The following ADGRL4 variants were observed in gnomAD, a reference collection of about 807,000 sequenced individuals.
ADGRL4 encodes EGF, latrophilin and seven transmembrane domain containing 1.
A neutral mutation model predicts 74.8 loss-of-function variants in ADGRL4; 90 were observed. That is an observed-to-expected ratio of 1.20 (90% CI 1.02 to 1.43). The LOEUF (loss-of-function observed/expected upper bound fraction) is 1.43, where lower values mean the gene tolerates loss of function less well. Among genes scored for constraint, ADGRL4 ranks in the 40% most tolerant of loss-of-function variants. The probability of loss-of-function intolerance (pLI) is 0.00; values close to 1 mark genes in which losing one functional copy is unlikely to be tolerated. For missense variants in ADGRL4, 881 were observed against 814.3 expected, an observed-to-expected ratio of 1.08 and a Z score of -1.00; for synonymous variants, 311 against 279.2, an observed-to-expected ratio of 1.11 and a Z score of -1.14.
intron 2 of ADGRL4, among the ~76,000 whole-genome samples, chr1:78,987,178 T>C (rs949828930): frequency 6.6e-6 from 1 of 151,734 alleles, no homozygotes; most frequent in South Asian, 2.1e-4. Context: ...TTTCCACACA[T>C]GATTTAAGAT....
chr1:78,928,578 T>G (rs1462613129), intron 7 of ADGRL4, among the ~76,000 whole-genome samples: 3 of 151,452 alleles, frequency 2.0e-5, no homozygotes, highest in African/African-American at 7.4e-5. Context: ...TGCCCTAAGA[T>G]CTTTCCTGTA....
chr1:78,902,127 A>G (rs1373471269), intron 12 of ADGRL4, among the ~76,000 whole-genome samples: 1 of 152,142 alleles, frequency 6.6e-6, no homozygotes, highest in Non-Finnish European at 1.5e-5. Context: ...GAAAACAGCA[A>G]TGTTCTTCTA....
At chr1:78,914,787 G>A (rs963100145) in intron 12 of ADGRL4, among the ~76,000 whole-genome samples, 2 of 151,750 alleles carry the variant, frequency 1.3e-5, no homozygotes, top group African/African-American at 4.8e-5. Flanking sequence ...GGTTGGTTCT[G>A]AGATACTGGT....
chr1:78,983,770 C>T (rs1027320593), intron 2 of ADGRL4, among the ~76,000 whole-genome samples: 1 of 151,718 alleles, frequency 6.6e-6, no homozygotes, highest in African/African-American at 2.4e-5. Flanking sequence ...ATGGAAACAT[C>T]ACAGTGAAAT....
At chr1:78,944,439 CTGTAAG>C (rs1223159806) in intron 3 of ADGRL4, among the ~76,000 whole-genome samples, 1 of 152,136 alleles carries the variant, frequency 6.6e-6, no homozygotes. Context: ...CAGTGAAGTA[CTGTAAG>C]TTTTCTGGGC....
At chr1:78,980,953 G>A (rs1650386348) in intron 2 of ADGRL4, among the ~76,000 whole-genome samples, 1 of 151,948 alleles carries the variant, frequency 6.6e-6, no homozygotes, top group African/African-American at 2.4e-5. Context: ...GAAACTAACA[G>A]GTTAGTCTCC....
chr1:78,968,596 T>C (rs1390525986), intron 2 of ADGRL4, among the ~76,000 whole-genome samples: 4 of 151,952 alleles, frequency 2.6e-5, no homozygotes, highest in Non-Finnish European at 5.9e-5. Flanking sequence ...CTATACTGAA[T>C]AAATGCAAAC....
At chr1:78,923,852 C>A (rs77086833) in intron 8 of ADGRL4, among the ~76,000 whole-genome samples, 7,216 of 151,318 alleles carry the variant, frequency 0.048, 245 homozygotes, top group African/African-American at 0.086. Context: ...TGGGAAGTCT[C>A]ATAAATACTA....
chr1:78,958,852 C>A (rs895218558), intron 2 of ADGRL4, among the ~76,000 whole-genome samples: 4 of 152,094 alleles, frequency 2.6e-5, no homozygotes, highest in African/African-American at 4.8e-5. Flanking sequence ...CAGGAAGAGA[C>A]AATCCAAGTG....
intron 2 of ADGRL4, among the ~76,000 whole-genome samples, chr1:78,976,021 A>C (rs2100721691): frequency 6.6e-6 from 1 of 152,166 alleles, no homozygotes; most frequent in East Asian, 1.9e-4. Context: ...AACTATTAAT[A>C]CATGACTGCC....
At chr1:78,948,989 T>C (rs919710250) in intron 2 of ADGRL4, among the ~76,000 whole-genome samples, 1 of 152,088 alleles carries the variant, frequency 6.6e-6, no homozygotes, top group Admixed American at 6.6e-5. Flanking sequence ...AAATAAAAGT[T>C]TTCATTTTTA....
Position 78,917,919 on chromosome 1 carries a change from C to G in ADGRL4, c.1593G>C (p.Lys531Asn). 1.9e-6 allele frequency: 3 copies of G among 1,612,714 alleles called. No homozygotes were observed. The change falls in exon 11 of 15, where the codon AAG becomes AAC. Residue 531 changes from lysine (K) to asparagine (N), a missense_variant. Lys to Asn is a moderately conservative substitution (Grantham distance 94). Transcript: ENST00000370742. ...GVIYNKGFLH[K>N]NFYIFGYLSP... ...TTAGATAGCCAAAGATATAAAAATT[C>G]TTGTGCAAAAATCCCTTGTTGTAGA...
At chr1:78,915,256 C>T (rs933759416) in intron 12 of ADGRL4, among the ~76,000 whole-genome samples, 5 of 151,868 alleles carry the variant, frequency 3.3e-5, no homozygotes, top group Non-Finnish European at 7.4e-5. Flanking sequence ...CGTACAAAAG[C>T]AGGTGCTAGT....
intron 8 of ADGRL4, among the ~76,000 whole-genome samples, chr1:78,922,634 A>G (rs1649023399): frequency 6.6e-6 from 1 of 152,050 alleles, no homozygotes; most frequent in African/African-American, 2.4e-5. Context: ...CTATTTAGTT[A>G]TATAACAATT....
chr1:79,003,045 G>A (rs979350602), intron 2 of ADGRL4, among the ~76,000 whole-genome samples: 4 of 152,062 alleles, frequency 2.6e-5, no homozygotes, highest in East Asian at 3.9e-4. Context: ...AAACAAATTC[G>A]ATTCCTCAAG....
chr1:78,939,732 C>T (rs1649436213), intron 3 of ADGRL4: 1 of 152,542 alleles, frequency 6.6e-6, no homozygotes, highest in African/African-American at 2.4e-5. Context: ...GCAGTTATAC[C>T]CACCATTCAC....
intron 2 of ADGRL4, among the ~76,000 whole-genome samples, chr1:78,992,171 T>C (rs970883775): frequency 6.6e-6 from 1 of 152,046 alleles, no homozygotes; most frequent in East Asian, 1.9e-4. Flanking sequence ...TCTCCTTTCA[T>C]GGCAAATAAA....
At chr1:78,913,686 C>A (rs952931468) in intron 12 of ADGRL4, among the ~76,000 whole-genome samples, 9 of 151,690 alleles carry the variant, frequency 5.9e-5, no homozygotes, top group South Asian at 2.1e-4. Context: ...AGGCTTAATA[C>A]TTGCATGATG....
chr1:78,997,964 TGACCAA>T (rs1432268720), intron 2 of ADGRL4, among the ~76,000 whole-genome samples: 4 of 152,184 alleles, frequency 2.6e-5, no homozygotes, highest in South Asian at 2.1e-4. Context: ...TCCAGGCAGA[TGACCAA>T]GTTTTCTTTG....
Sources: gnomAD v4.1 joint callset for allele counts (sites outside exome capture counted in the v4.1 genomes callset) on GRCh38, gnomAD v4.1.1 for gene constraint, MANE v1.5 for transcripts, NCBI Gene and HGNC (gene_info 2026-07-23, HGNC 2026-07-21) for gene names.